SLC36A3: variants seen among roughly 807,000 people sequenced by gnomAD.
SLC36A3 encodes the protein proton-coupled amino acid transporter 3.
A neutral mutation model predicts 44.3 loss-of-function variants in SLC36A3; 35 were observed. The ratio of observed to expected loss-of-function variants is 0.79; its 90% CI spans 0.60 to 1.05. The LOEUF (loss-of-function observed/expected upper bound fraction) is 1.05. Ranked by LOEUF, SLC36A3 falls within the 50% of genes least tolerant of loss-of-function variation. The pLI is 0.00. For missense variants in SLC36A3, 540 were observed against 578.7 expected (o/e 0.93, Z 0.69); for synonymous variants, 211 against 227.6 (o/e 0.93, Z 0.66).
At chr5:151,278,024 C>T (rs374022833) in intron 9 of SLC36A3, among the ~76,000 whole-genome samples, 3 of 152,158 alleles carry the variant, frequency 2.0e-5, no homozygotes, top group African/African-American at 7.2e-5. Flanking sequence ...GATGCCCCAT[C>T]TAAGGTCCTT....
Position 151,281,093 on chromosome 5 carries a change from C to T in SLC36A3, c.1065G>A (p.Pro355=), listed in dbSNP as rs187566485. 47 of 1,614,066 alleles carry T rather than the reference C, an allele frequency of 2.9e-5. 1 individual carries two copies. The highest frequency in any genetic ancestry group is 1.5e-4 in the African/African-American group (11 of 75,012). The change falls in exon 9 of 10, where the codon CCG becomes CCA. Residue 355 remains proline (P), a synonymous_variant. Transcript: ENST00000335230. ...QFHVPAEIII[P]FAISQVSESW... is the part of the protein sequence containing the mutation. ...TCTCTGACACTTGGGAGATGGCAAACGGGATGATGATCTCAGCTGGGACGT... is the reference window on the plus strand; with the variant it reads ...TCTCTGACACTTGGGAGATGGCAAATGGGATGATGATCTCAGCTGGGACGT...
intron 3 of SLC36A3, among the ~76,000 whole-genome samples, chr5:151,295,928 G>C (rs1754942561): frequency 6.6e-6 from 1 of 152,220 alleles, no homozygotes. Context: ...GATGCTTTCA[G>C]TTAAGGAGAT....
At chr5:151,301,109 C>T (rs1423552259) in intron 1 of SLC36A3, among the ~76,000 whole-genome samples, 1 of 152,226 alleles carries the variant, frequency 6.6e-6, no homozygotes, top group African/African-American at 2.4e-5. Context: ...AGAAATCAGA[C>T]CTAACCAACT....
intron 1 of SLC36A3, among the ~76,000 whole-genome samples, chr5:151,299,950 A>G (rs1315120455): frequency 2.0e-5 from 3 of 152,188 alleles, no homozygotes; most frequent in Non-Finnish European, 4.4e-5. Flanking sequence ...TTTGGCCTTC[A>G]TGGTGCTCAT....
intron 9 of SLC36A3, among the ~76,000 whole-genome samples, chr5:151,279,025 T>G (rs1280664243): frequency 6.6e-6 from 1 of 152,150 alleles, no homozygotes; most frequent in Non-Finnish European, 1.5e-5. Flanking sequence ...CTGACAAAGC[T>G]CTGACCTCAT....
At chr5:151,282,086 C>T (rs910525125) in intron 8 of SLC36A3, among the ~76,000 whole-genome samples, 2 of 150,094 alleles carry the variant, frequency 1.3e-5, no homozygotes, top group Non-Finnish European at 3.0e-5. Context: ...CTTTTATTTA[C>T]CCAATATTTC....
chr5:151,297,422 T>C (rs968833693), intron 2 of SLC36A3: 2 of 152,158 alleles, frequency 1.3e-5, no homozygotes, highest in African/African-American at 4.8e-5. Flanking sequence ...TCAGAAGTCA[T>C]GACAGAGGCA....
chr5:151,285,437 C>A (rs946427122), intron 6 of SLC36A3, among the ~76,000 whole-genome samples: 1 of 152,190 alleles, frequency 6.6e-6, no homozygotes, highest in Non-Finnish European at 1.5e-5. Context: ...GAATTCAGGT[C>A]TCCTGTTTCC....
At position 151,281,154 on chromosome 5, in the gene SLC36A3, G is replaced by C; in HGVS notation, c.1004C>G (p.Ser335Cys). 1.2e-6 allele frequency: 2 copies of C among 1,613,484 alleles called. No individual in the cohort carries two copies. Among genetic ancestry groups the C allele is most frequent in the South Asian group, 1.1e-5 (1 of 90,936 alleles). Residue 335 changes from serine to cysteine, a missense_variant, in exon 9 of 10, where the codon TCT (serine) becomes TGT (cysteine). By Grantham distance (112) the Ser-to-Cys change is moderately radical. Transcript: ENST00000335230. ...GGCATAGGTGAAGAAGATGCCGATA[G>C]AGTACATCAGCTTGACTGACTGGTA... The part of the protein sequence containing the change: ...WLYQSVKLMY[S>C]IGIFFTYALQ...
chr5:151,296,575 T>C (rs1212064494), intron 2 of SLC36A3: 2 of 396,014 alleles, frequency 5.1e-6, no homozygotes, highest in Non-Finnish European at 4.6e-6. Flanking sequence ...TTGTGGTAAA[T>C]TTATTTTGTC....
chr5:151,281,959 T>C (rs1196703024), intron 8 of SLC36A3, among the ~76,000 whole-genome samples: 3 of 152,148 alleles, frequency 2.0e-5, no homozygotes, highest in African/African-American at 7.2e-5. Flanking sequence ...CAGAGTTTTC[T>C]TGTGGCCCTT....
At chr5:151,292,063 G>A (rs2127265884) in intron 4 of SLC36A3, among the ~76,000 whole-genome samples, 1 of 152,210 alleles carries the variant, frequency 6.6e-6, no homozygotes, top group Admixed American at 6.5e-5. Flanking sequence ...GTTACGCCAT[G>A]TTGGTCAGGC....
intron 8 of SLC36A3, among the ~76,000 whole-genome samples, chr5:151,281,914 C>G (rs573620981): frequency 1.3e-5 from 2 of 152,042 alleles, no homozygotes; most frequent in African/African-American, 4.8e-5. Flanking sequence ...CCCTTGATTC[C>G]TAGCTTCTAG....
chr5:151,292,034 T>A (rs531578636), intron 4 of SLC36A3, among the ~76,000 whole-genome samples: 1 of 152,236 alleles, frequency 6.6e-6, no homozygotes, highest in Non-Finnish European at 1.5e-5. Context: ...CTAATTTTCA[T>A]ATTTTTAGTA....
At chr5:151,279,427 A>G (rs1385447169) in intron 9 of SLC36A3, among the ~76,000 whole-genome samples, 3 of 152,216 alleles carry the variant, frequency 2.0e-5, no homozygotes, top group Non-Finnish European at 4.4e-5. Flanking sequence ...AATGCCAGGT[A>G]TGTAGTAGGT....
chr5:151,288,499 G>A, intron 4 of SLC36A3, 29 bp from the exon 5 acceptor site: 2 of 1,419,098 alleles, frequency 1.4e-6, no homozygotes, highest in Non-Finnish European at 1.9e-6. Flanking sequence ...GGCAGACAGA[G>A]GGAGGAAACA....
intron 7 of SLC36A3, 66 bp from the exon 8 acceptor site, chr5:151,284,276 G>C: frequency 5.6e-5 from 79 of 1,413,220 alleles, no homozygotes; most frequent in Non-Finnish European, 7.1e-5. Flanking sequence ...GTGAAGGAGA[G>C]GGTTCCCGTA....
intron 9 of SLC36A3, 34 bp from the exon 10 acceptor site, chr5:151,277,695 T>A: frequency 6.2e-7 from 1 of 1,601,418 alleles, no homozygotes; most frequent in South Asian, 1.1e-5. Flanking sequence ...AATCACTGAA[T>A]GTGCTCAGAA....
chr5:151,281,576 G>T (rs993097688), intron 8 of SLC36A3, among the ~76,000 whole-genome samples: 1 of 152,198 alleles, frequency 6.6e-6, no homozygotes, highest in Admixed American at 6.5e-5. Context: ...GCAGCAGTTT[G>T]AGAGGCCGAG....
Sources: allele counts gnomAD v4.1 joint callset (sites outside exome capture counted in the v4.1 genomes callset), GRCh38; gene constraint gnomAD v4.1.1; transcripts MANE v1.5; gene names NCBI Gene and HGNC (gene_info 2026-07-23, HGNC 2026-07-21).